Variants in NRXN1 observed in about 807,000 individuals in gnomAD.
NRXN1 encodes neurexin-1.
NRXN1 carries 39 observed loss-of-function variants against 150.9 expected under a neutral mutation model. The ratio of observed to expected loss-of-function variants is 0.26; its 90% CI spans 0.20 to 0.34. The LOEUF (loss-of-function observed/expected upper bound fraction) is 0.34. NRXN1 is among the 10% of genes least tolerant of loss of function. NRXN1 has a pLI of 1.00. For missense variants in NRXN1, 1,815 were observed against 1,949.9 expected (o/e 0.93, Z 1.30); for synonymous variants, 924 against 757.0 (o/e 1.22, Z -3.62).
intron 19 of NRXN1, among the ~76,000 whole-genome samples, chr2:50,060,637 T>C (rs1694380463): frequency 6.6e-6 from 1 of 152,146 alleles, no homozygotes; most frequent in South Asian, 2.1e-4. Context: ...CCATGTGTCA[T>C]GGGAGACACC....
chr2:50,606,606 C>CAAT (rs3053107), intron 8 of NRXN1, among the ~76,000 whole-genome samples: 20,363 of 146,870 alleles, frequency 0.14, 1,555 homozygotes, highest in East Asian at 0.2. Flanking sequence ...GCTGCTCATA[C>CAAT]AATAATAATA....
chr2:50,108,893 G>C (rs1303718212), intron 18 of NRXN1, among the ~76,000 whole-genome samples: 1 of 152,076 alleles, frequency 6.6e-6, no homozygotes, highest in Non-Finnish European at 1.5e-5. Flanking sequence ...CACACTACTT[G>C]CTGTAAACCG....
intron 21 of NRXN1, among the ~76,000 whole-genome samples, chr2:49,947,630 G>T: frequency 6.7e-6 from 1 of 149,804 alleles, no homozygotes; most frequent in Non-Finnish European, 1.5e-5. Context: ...CCGAAGTGCT[G>T]GGATTACAGG....
chr2:50,086,154 G>C (rs1420940966), intron 19 of NRXN1, among the ~76,000 whole-genome samples: 1 of 152,058 alleles, frequency 6.6e-6, no homozygotes, highest in Non-Finnish European at 1.5e-5. Flanking sequence ...ATGATACTTT[G>C]AAAAATTAAA....
chr2:50,918,876 T>G (rs941162577), intron 5 of NRXN1: 11 of 201,948 alleles, frequency 5.4e-5, no homozygotes, highest in African/African-American at 2.1e-4. Context: ...TGAAGACTAT[T>G]TGAATCCATC....
intron 21 of NRXN1, chr2:50,019,133 G>C: frequency 2.2e-6 from 1 of 465,100 alleles, no homozygotes; most frequent in Non-Finnish European, 4.5e-6. Context: ...TCATCCCTAG[G>C]GTATAGGGTT....
chr2:50,319,847 C>A (rs2075884915), intron 17 of NRXN1, among the ~76,000 whole-genome samples: 1 of 152,106 alleles, frequency 6.6e-6, no homozygotes. Context: ...TCCTTTGTCC[C>A]TTAAGCTCCA....
At chr2:50,618,389 A>T (rs1005234999) in intron 8 of NRXN1, among the ~76,000 whole-genome samples, 5 of 152,120 alleles carry the variant, frequency 3.3e-5, no homozygotes, top group Non-Finnish European at 5.9e-5. Flanking sequence ...CCTCTTTTTA[A>T]ATCAAATAAC....
At chr2:50,915,296 G>A (rs1046645081) in intron 5 of NRXN1, among the ~76,000 whole-genome samples, 33 of 151,558 alleles carry the variant, frequency 2.2e-4, no homozygotes, top group African/African-American at 8.0e-4. Flanking sequence ...ATATCATTCT[G>A]TGAAGTCATT....
At chr2:50,459,221 T>A (rs1484623283) in intron 17 of NRXN1, among the ~76,000 whole-genome samples, 1 of 152,072 alleles carries the variant, frequency 6.6e-6, no homozygotes, top group African/African-American at 2.4e-5. Flanking sequence ...TTAAAAACAC[T>A]CCTGATAATT....
chr2:50,761,376 T>C (rs1024938967), intron 5 of NRXN1, among the ~76,000 whole-genome samples: 4 of 151,800 alleles, frequency 2.6e-5, no homozygotes, highest in Non-Finnish European at 5.9e-5. Flanking sequence ...GTTCTCATGA[T>C]AGGGAATAAG....
intron 15 of NRXN1, among the ~76,000 whole-genome samples, chr2:50,481,975 A>G (rs1371753277): frequency 6.8e-6 from 1 of 147,892 alleles, no homozygotes; most frequent in East Asian, 2.0e-4. Flanking sequence ...TCACCGTTTT[A>G]GCCGGGATGG....
rs138496532 is a variant in NRXN1 at position 50,573,980 on chromosome 2, C to T, written c.1321-20955G>A. On this transcript the variant is annotated intron_variant, in intron 8 of 22. Coordinates refer to ENST00000401669, the MANE Select transcript of NRXN1 (RefSeq NM_001330078.2). ...GATGAGGAGGGGTCATGGAACCAAT[C>T]CCCCTCAGATGGTTATATCATATAA... Among the ~76,000 whole-genome samples, 997 of 151,874 alleles carry T rather than the reference C, an allele frequency of 6.6e-3. 8 individuals carry two copies. Among genetic ancestry groups the T allele is most frequent in the African/African-American group, 0.023 (961 of 41,490 alleles).
intron 17 of NRXN1, among the ~76,000 whole-genome samples, chr2:50,453,098 C>A (rs189306576): frequency 3.8e-4 from 58 of 152,252 alleles, no homozygotes; most frequent in Middle Eastern, 3.4e-3. Context: ...TACAAAATTT[C>A]TTTGGGAACA....
intron 19 of NRXN1, among the ~76,000 whole-genome samples, chr2:50,081,972 C>G (rs1698035163): frequency 6.6e-6 from 1 of 152,090 alleles, no homozygotes; most frequent in Admixed American, 6.5e-5. Flanking sequence ...ATAAAAGCGA[C>G]TGTTATAAAA....
chr2:49,993,639 A>G (rs1421568), intron 21 of NRXN1, among the ~76,000 whole-genome samples: 71,826 of 151,992 alleles, frequency 0.47, 17,570 homozygotes, highest in Middle Eastern at 0.6. Flanking sequence ...CTATCCATGT[A>G]TGGGGGCAGG....
chr2:50,992,833 T>A (rs1383879499), intron 2 of NRXN1, among the ~76,000 whole-genome samples: 1 of 151,968 alleles, frequency 6.6e-6, no homozygotes, highest in Non-Finnish European at 1.5e-5. Flanking sequence ...AAAGGATGGA[T>A]TATTGGTAGA....
At chr2:50,220,568 C>T (rs757917499) in intron 18 of NRXN1, among the ~76,000 whole-genome samples, 3 of 151,958 alleles carry the variant, frequency 2.0e-5, no homozygotes, top group Admixed American at 6.6e-5. Context: ...AACCGAAATC[C>T]CTGAAGTTCA....
intron 17 of NRXN1, among the ~76,000 whole-genome samples, chr2:50,280,732 G>C (rs1364697370): frequency 2.0e-5 from 3 of 152,164 alleles, no homozygotes; most frequent in Non-Finnish European, 4.4e-5. Flanking sequence ...CTAATTGATA[G>C]CTTGGGATCT....
Sources: gnomAD v4.1 joint callset for allele counts (sites outside exome capture counted in the v4.1 genomes callset) on GRCh38, gnomAD v4.1.1 for gene constraint, MANE v1.5 for transcripts, NCBI Gene and HGNC (gene_info 2026-07-23, HGNC 2026-07-21) for gene names.